The following HPSE2 variants were observed in gnomAD, a reference collection of about 807,000 sequenced individuals.
The protein encoded by HPSE2 is heparanase 2 (inactive).
In HPSE2, 38 loss-of-function variants were observed where a neutral mutation model predicts 60.5. That is an observed-to-expected ratio of 0.63 (90% confidence interval 0.48 to 0.82). The LOEUF (loss-of-function observed/expected upper bound fraction) is 0.82, where lower values mean the gene tolerates loss of function less well. Ranked by LOEUF, HPSE2 falls within the 40% of genes least tolerant of loss-of-function variation. HPSE2 has a pLI of 0.00. For missense variants in HPSE2, 713 were observed against 740.4 expected (o/e 0.96, Z 0.43); for synonymous variants, 295 against 293.2 (o/e 1.01, Z -0.06).
chr10:99,251,530 C>A, the HPSE2 span, among the ~76,000 whole-genome samples: 3 of 152,342 alleles, frequency 2.0e-5, no homozygotes, highest in African/African-American at 7.2e-5. Context: ...GGCAAAGACA[C>A]AACCGAAAAA....
intron 3 of HPSE2, among the ~76,000 whole-genome samples, chr10:98,803,023 T>C (rs1352289388): frequency 1.3e-5 from 2 of 148,856 alleles, no homozygotes; most frequent in Non-Finnish European, 3.0e-5. Flanking sequence ...CTAACTGGTG[T>C]GAGATGGTAT....
At chr10:98,727,015 A>G (rs1427160155) in intron 4 of HPSE2, among the ~76,000 whole-genome samples, 1 of 152,176 alleles carries the variant, frequency 6.6e-6, no homozygotes, top group Non-Finnish European at 1.5e-5. Flanking sequence ...ATCAATCTTC[A>G]GCTCACCATT....
At chr10:99,273,757 CA>C in the HPSE2 span, among the ~76,000 whole-genome samples, 1 of 152,160 alleles carries the variant, frequency 6.6e-6, no homozygotes, top group Admixed American at 6.5e-5. Context: ...GATAGACAAA[CA>C]GATGCAGGGA....
intron 3 of HPSE2, among the ~76,000 whole-genome samples, chr10:98,773,002 C>T (rs1211324289): frequency 1.3e-5 from 2 of 152,090 alleles, no homozygotes; most frequent in Non-Finnish European, 2.9e-5. Flanking sequence ...GGACCTATTT[C>T]CTCTTCTTTT....
intron 9 of HPSE2, among the ~76,000 whole-genome samples, chr10:98,526,410 G>C (rs559800063): frequency 2.0e-5 from 3 of 152,152 alleles, no homozygotes; most frequent in African/African-American, 7.2e-5. Flanking sequence ...GAGCAACTCC[G>C]ATGTAAGTTT....
chr10:98,654,427 C>A (rs181578270), intron 6 of HPSE2, among the ~76,000 whole-genome samples: 3 of 152,092 alleles, frequency 2.0e-5, no homozygotes, highest in Non-Finnish European at 4.4e-5. Context: ...CATTCTTTTA[C>A]CTTTCTGAAT....
At chr10:99,209,783 G>C (rs578203297) in intron 2 of HPSE2, among the ~76,000 whole-genome samples, 1 of 152,078 alleles carries the variant, frequency 6.6e-6, no homozygotes, top group Non-Finnish European at 1.5e-5. Flanking sequence ...TCCGCCTCCC[G>C]GGTTCAAGCG....
chr10:98,533,747 C>A (rs965768153), intron 9 of HPSE2, among the ~76,000 whole-genome samples: 8 of 152,112 alleles, frequency 5.3e-5, no homozygotes, highest in African/African-American at 1.9e-4. Context: ...GTCCGGCAGA[C>A]TTTGGTAGAC....
intron 3 of HPSE2, among the ~76,000 whole-genome samples, chr10:98,939,042 T>C (rs1333918341): frequency 2.1e-5 from 3 of 143,670 alleles, no homozygotes; most frequent in Non-Finnish European, 4.5e-5. Flanking sequence ...TGCTGAGAGA[T>C]TTTGTCACCA....
chr10:98,989,659 GA>G (rs34373829), intron 3 of HPSE2, among the ~76,000 whole-genome samples: 21,223 of 150,272 alleles, frequency 0.14, 1,859 homozygotes, highest in Admixed American at 0.23. Context: ...AAAAAAAAAA[GA>G]AAAAAAACTC....
intron 3 of HPSE2, among the ~76,000 whole-genome samples, chr10:98,774,716 C>G (rs1444050604): frequency 6.6e-6 from 1 of 152,156 alleles, no homozygotes; most frequent in African/African-American, 2.4e-5. Flanking sequence ...TGGAAAATGT[C>G]AACCTTAAGT....
At chr10:99,295,618 T>C in the HPSE2 span, among the ~76,000 whole-genome samples, 1 of 152,300 alleles carries the variant, frequency 6.6e-6, no homozygotes, top group East Asian at 1.9e-4. Flanking sequence ...AACTGGAAAG[T>C]ACAGCCATAC....
chr10:98,765,310 T>A (rs1028389863), intron 3 of HPSE2, among the ~76,000 whole-genome samples: 3 of 152,168 alleles, frequency 2.0e-5, no homozygotes, highest in Non-Finnish European at 4.4e-5. Context: ...GTATTTTATA[T>A]GACCATAATG....
At chr10:98,584,759 C>A (rs947025749) in intron 9 of HPSE2, among the ~76,000 whole-genome samples, 3 of 152,142 alleles carry the variant, frequency 2.0e-5, no homozygotes, top group Non-Finnish European at 4.4e-5. Flanking sequence ...TCTCCACCAG[C>A]AAAAACAAAC....
At chr10:98,590,413 A>G (rs1945057633) in intron 9 of HPSE2, among the ~76,000 whole-genome samples, 1 of 152,262 alleles carries the variant, frequency 6.6e-6, no homozygotes. Context: ...ACTGCACTCC[A>G]GCCTGGGTGG....
At chr10:98,976,499 T>C (rs1287841770) in intron 3 of HPSE2, among the ~76,000 whole-genome samples, 1 of 152,138 alleles carries the variant, frequency 6.6e-6, no homozygotes, top group African/African-American at 2.4e-5. Flanking sequence ...TCCACTATCC[T>C]TCCAGGGGTG....
At chr10:98,487,492 T>G (rs536944420) in intron 10 of HPSE2, among the ~76,000 whole-genome samples, 3 of 152,358 alleles carry the variant, frequency 2.0e-5, no homozygotes, top group South Asian at 4.1e-4. Context: ...GTAACATTCT[T>G]TGCATTATTA....
chr10:99,187,661 GAAATGC>G (rs1320014451), intron 2 of HPSE2, among the ~76,000 whole-genome samples: 1 of 152,158 alleles, frequency 6.6e-6, no homozygotes, highest in Non-Finnish European at 1.5e-5. Flanking sequence ...AGTCATTAGG[GAAATGC>G]AAATGAAAAC....
chr10:98,893,309 T>C (rs1225342930), intron 3 of HPSE2, among the ~76,000 whole-genome samples: 1 of 152,112 alleles, frequency 6.6e-6, no homozygotes, highest in East Asian at 1.9e-4. Context: ...TCAGATGATA[T>C]GGCCGCCTCA....
Sources: allele counts gnomAD v4.1 joint callset (sites outside exome capture counted in the v4.1 genomes callset), GRCh38; gene constraint gnomAD v4.1.1; transcripts MANE v1.5; gene names NCBI Gene and HGNC (gene_info 2026-07-23, HGNC 2026-07-21).